The following SLC4A8 variants were observed in gnomAD, a reference collection of about 807,000 sequenced individuals.
The protein encoded by SLC4A8 is electroneutral sodium bicarbonate exchanger 1.
Under a neutral mutation model 125.0 loss-of-function variants are expected in SLC4A8, and 40 were observed. That is an observed-to-expected ratio of 0.32 (90% CI 0.25 to 0.42). SLC4A8 has a LOEUF of 0.42. Ranked by LOEUF, SLC4A8 falls within the 10% of genes least tolerant of loss-of-function variation. The pLI is 1.00. For synonymous variants in SLC4A8, 456 were observed against 476.0 expected (o/e 0.96, Z 0.55); for missense variants, 863 against 1,355.1 (o/e 0.64, Z 5.70).
chr12:51,395,943 C>T (rs1333310960), intron 1 of SLC4A8, among the ~76,000 whole-genome samples: 1 of 152,236 alleles, frequency 6.6e-6, no homozygotes, highest in Admixed American at 6.5e-5. Flanking sequence ...TACTCCTCAT[C>T]TCATTCCCAT....
chr12:51,444,722 A>T (rs925082549), intron 2 of SLC4A8, among the ~76,000 whole-genome samples: 4 of 152,184 alleles, frequency 2.6e-5, no homozygotes, highest in Non-Finnish European at 5.9e-5. Flanking sequence ...CTTTCATAGG[A>T]CTCGAACATT....
chr12:51,417,033 A>G (rs192951367), intron 1 of SLC4A8, among the ~76,000 whole-genome samples: 3 of 152,176 alleles, frequency 2.0e-5, no homozygotes, highest in Non-Finnish European at 4.4e-5. Context: ...AGGTGGGAGG[A>G]TCACTTGCAT....
intron 1 of SLC4A8, among the ~76,000 whole-genome samples, chr12:51,398,029 C>G (rs1386064130): frequency 6.6e-6 from 1 of 152,122 alleles, no homozygotes; most frequent in Non-Finnish European, 1.5e-5. Flanking sequence ...CCACCTCAGC[C>G]TCCCAAAGTG....
chr12:51,462,604 G>T, intron 10 of SLC4A8, 148 bp downstream of exon 10: 1 of 606,848 alleles, frequency 1.6e-6, no homozygotes, highest in South Asian at 3.7e-5. Context: ...TAATAAAAAT[G>T]AATCTGGGCT....
intron 15 of SLC4A8, among the ~76,000 whole-genome samples, chr12:51,474,788 G>C (rs1489230386): frequency 6.6e-6 from 1 of 152,144 alleles, no homozygotes; most frequent in African/African-American, 2.4e-5. Flanking sequence ...AAAAATATAA[G>C]TTGCCAGGGT....
At chr12:51,494,795 G>A (rs1951419396) in intron 20 of SLC4A8, 150 bp from the exon 21 acceptor site, 1 of 573,084 alleles carries the variant, frequency 1.7e-6, no homozygotes. Flanking sequence ...AAATTGCCTG[G>A]TCTTTTAAAG....
At chr12:51,492,261 TC>T (rs1951337958) in intron 19 of SLC4A8, among the ~76,000 whole-genome samples, 1 of 152,028 alleles carries the variant, frequency 6.6e-6, no homozygotes, top group Non-Finnish European at 1.5e-5. Context: ...TGCCTCCTCT[TC>T]CCTTTTTTTT....
rs942935625 is a variant in SLC4A8, at chr12:51,445,305, A to G, written c.130+4516A>G. 2.6e-5 allele frequency among the ~76,000 whole-genome samples: 4 copies of G among 152,054 alleles called. No individual in the cohort carries two copies. In the East Asian group the frequency reaches 7.7e-4, roughly 29 times the overall value. ...CCACCTCAGCCTCCCAATAGCTGGGACTACAGGCATGCACCACCATGCCTG... is the reference window on the plus strand; with the variant it reads ...CCACCTCAGCCTCCCAATAGCTGGGGCTACAGGCATGCACCACCATGCCTG... On this transcript the variant is annotated intron_variant, in intron 2 of 24. Coordinates refer to ENST00000453097, the MANE Select transcript of SLC4A8 (RefSeq NM_001039960.3).
At position 51,471,316 on chromosome 12, in the gene SLC4A8, G is replaced by C. The variant is rs1416609242; in HGVS notation, c.1688G>C (p.Arg563Pro). The C allele has an allele frequency of 6.2e-7, 1 of 1,613,430 alleles. No homozygotes were observed. Among genetic ancestry groups the C allele is most frequent in the Non-Finnish European group, 8.5e-7 (1 of 1,179,972 alleles). Residue 563 changes from arginine to proline, a missense_variant, in exon 14 of 25, where the codon CGA becomes CCA. Transcript: ENST00000453097. ...KDYALSYLSL[R>P]ACIGLWTAFL... Reference sequence around the variant, plus strand: ...TATGCTCTTTCATACCTCTCCCTGCGAGCTTGTATTGGACTGTGGACCGCT... The same window carrying C: ...TATGCTCTTTCATACCTCTCCCTGCCAGCTTGTATTGGACTGTGGACCGCT...
At chr12:51,494,218 G>C (rs970984658) in intron 20 of SLC4A8, 2 of 158,600 alleles carry the variant, frequency 1.3e-5, no homozygotes, top group South Asian at 3.8e-4. Flanking sequence ...GGGGAATAGT[G>C]GGAGTTGCTC....
At chr12:51,454,401 G>A (rs974612128) in intron 5 of SLC4A8, among the ~76,000 whole-genome samples, 18 of 147,382 alleles carry the variant, frequency 1.2e-4, no homozygotes, top group Non-Finnish European at 2.1e-4. Context: ...AAGGGGACCC[G>A]GGGAACCAGC....
intron 2 of SLC4A8, among the ~76,000 whole-genome samples, chr12:51,441,851 G>A (rs779523141): frequency 4.6e-5 from 7 of 152,206 alleles, no homozygotes; most frequent in Non-Finnish European, 1.0e-4. Flanking sequence ...GAGAACTGAC[G>A]TGGGTGGCTC....
rs1313384990 is a variant in SLC4A8 at position 51,501,190 on chromosome 12, GGCATGT to G, written c.3082-2835_3082-2830del. Among the ~76,000 whole-genome samples, 8 of 152,232 alleles carry G rather than the reference GGCATGT, an allele frequency of 5.3e-5. No homozygotes were observed. The East Asian group carries it at 1.5e-3, about 29-fold the overall frequency. On this transcript the variant is annotated intron_variant, in intron 22 of 24. Coordinates refer to ENST00000453097, the MANE Select transcript of SLC4A8 (RefSeq NM_001039960.3). The stretch of plus-strand genomic sequence containing the variant: ...CTAAAAAAAGTTATTTTAGATTCAG[GGCATGT>G]GCAGGTTTGTTACATGGGTGTAGTG...
intron 22 of SLC4A8, among the ~76,000 whole-genome samples, chr12:51,503,211 A>T (rs909934756): frequency 4.0e-5 from 6 of 148,416 alleles, no homozygotes; most frequent in East Asian, 2.0e-4. Flanking sequence ...GATTATTATT[A>T]TTTTTTTATT....
At chr12:51,455,839 G>A (rs1950131933) in intron 5 of SLC4A8, among the ~76,000 whole-genome samples, 1 of 152,140 alleles carries the variant, frequency 6.6e-6, no homozygotes, top group African/African-American at 2.4e-5. Context: ...AAATTCTCAT[G>A]TTCATCATTG....
intron 11 of SLC4A8, chr12:51,467,522 G>A (rs1173012742): frequency 1.3e-5 from 2 of 152,144 alleles, no homozygotes; most frequent in African/African-American, 4.8e-5. Context: ...GAGCTGGCTG[G>A]ATCTTCTCCC....
chr12:51,414,602 C>T (rs1456042877), intron 1 of SLC4A8, among the ~76,000 whole-genome samples: 2 of 151,776 alleles, frequency 1.3e-5, no homozygotes, highest in Non-Finnish European at 2.9e-5. Context: ...AATCATAAAA[C>T]GAGGTGGGAA....
At chr12:51,439,026 A>T (rs1245463191) in intron 1 of SLC4A8, among the ~76,000 whole-genome samples, 1 of 152,218 alleles carries the variant, frequency 6.6e-6, no homozygotes, top group Non-Finnish European at 1.5e-5. Flanking sequence ...GAAGATGGAC[A>T]TAGTTCCTTC....
At chr12:51,478,168 G>A (rs1341995974) in intron 16 of SLC4A8, among the ~76,000 whole-genome samples, 3 of 151,978 alleles carry the variant, frequency 2.0e-5, no homozygotes, top group Middle Eastern at 3.4e-3. Flanking sequence ...CCAGCTACTC[G>A]GGAGGCTGAG....
Sources: allele counts gnomAD v4.1 joint callset (sites outside exome capture counted in the v4.1 genomes callset), GRCh38; gene constraint gnomAD v4.1.1; transcripts MANE v1.5; gene names NCBI Gene and HGNC (gene_info 2026-07-23, HGNC 2026-07-21).